The following PSMD11 variants were observed in gnomAD, a reference collection of about 807,000 sequenced individuals.
PSMD11 encodes the protein proteasome 26S subunit, non-ATPase 11.
PSMD11 carries 5 observed loss-of-function variants against 62.3 expected under a neutral mutation model. The observed-to-expected ratio is 0.08, with a 90% CI of 0.04 to 0.17. The LOEUF (loss-of-function observed/expected upper bound fraction) is 0.17. PSMD11 is among the 10% of genes least tolerant of loss of function. The pLI, the probability that PSMD11 is intolerant of heterozygous loss-of-function variation, is 1.00. For missense variants in PSMD11, 310 were observed against 512.9 expected (o/e 0.60, Z 3.82); for synonymous variants, 191 against 191.8 (o/e 1.00, Z 0.03).
chr17:32,455,862 G>C (rs1309162682), intron 3 of PSMD11, among the ~76,000 whole-genome samples: 2 of 152,118 alleles, frequency 1.3e-5, no homozygotes, highest in African/African-American at 4.8e-5. Context: ...AAACTCATGA[G>C]TCCGGGTGCG....
At chr17:32,472,525 C>T (rs1204795506) in intron 6 of PSMD11, among the ~76,000 whole-genome samples, 3 of 151,128 alleles carry the variant, frequency 2.0e-5, no homozygotes, top group African/African-American at 7.3e-5. Context: ...CAGACGTGAG[C>T]CACTGTGCCT....
At chr17:32,458,567 G>T (rs9889607) in intron 3 of PSMD11, among the ~76,000 whole-genome samples, 89,294 of 152,040 alleles carry the variant, frequency 0.59, 27,063 homozygotes, top group African/African-American at 0.65. Context: ...GTATGACAGT[G>T]GCTTTACACT....
chr17:32,460,751 G>C (rs947002512), intron 3 of PSMD11, among the ~76,000 whole-genome samples: 15 of 125,004 alleles, frequency 1.2e-4, no homozygotes, highest in African/African-American at 4.1e-4. Flanking sequence ...GTGAGACACT[G>C]TCTCAAAAAA....
At chr17:32,449,206 AC>A (rs1907419714) in intron 2 of PSMD11, among the ~76,000 whole-genome samples, 1 of 152,066 alleles carries the variant, frequency 6.6e-6, no homozygotes, top group Non-Finnish European at 1.5e-5. Flanking sequence ...GGAATTTGAG[AC>A]CAGCTCTGGC....
At chr17:32,455,890 T>A (rs1413391179) in intron 3 of PSMD11, among the ~76,000 whole-genome samples, 1 of 152,160 alleles carries the variant, frequency 6.6e-6, no homozygotes, top group Non-Finnish European at 1.5e-5. Context: ...ACGCCTGTAA[T>A]CCCAGCACTT....
intron 6 of PSMD11, 125 bp downstream of exon 6, chr17:32,469,318 C>G: frequency 9.9e-7 from 1 of 1,014,742 alleles, no homozygotes; most frequent in Non-Finnish European, 1.4e-6. Flanking sequence ...CTTCAGAGAA[C>G]CAGTTAGAAA....
chr17:32,453,252 AC>A (rs2150829997), intron 2 of PSMD11, among the ~76,000 whole-genome samples: 1 of 152,372 alleles, frequency 6.6e-6, no homozygotes, highest in South Asian at 2.1e-4. Flanking sequence ...GACTGGAGTT[AC>A]ATGGGAAACT....
At position 32,459,427 on chromosome 17, in the gene PSMD11, G is replaced by C. The variant is rs185330832; in HGVS notation, c.319-4622G>C. On this transcript the variant is annotated intron_variant, in intron 3 of 13. Transcript: ENST00000261712. ...GTTTGTTTGTATTTTTAGTAGAGAT[G>C]GGATTTTGCTATGTTGCTCAGGCTG... 1.7e-3 allele frequency among the ~76,000 whole-genome samples: 261 copies of C among 151,990 alleles called. 2 individuals are homozygous for C. Among genetic ancestry groups the C allele is most frequent in the African/African-American group, 6.2e-3 (256 of 41,474 alleles).
intron 10 of PSMD11, 92 bp downstream of exon 10, chr17:32,479,468 A>T (rs552888451): frequency 6.6e-7 from 1 of 1,517,216 alleles, no homozygotes; most frequent in East Asian, 2.3e-5. Flanking sequence ...ACTCACTTCT[A>T]GGGGTGTGCC....
chr17:32,480,483 T>C lies in PSMD11; in HGVS notation c.1127-6T>C, dbSNP rs1277045359. The C allele has an allele frequency of 1.2e-6, 2 of 1,614,204 alleles. No homozygotes were observed. The highest frequency in any genetic ancestry group is 1.7e-6 in the Non-Finnish European group (2 of 1,180,034). On this transcript the variant is annotated splice_polypyrimidine_tract_variant and splice_region_variant and intron_variant, in intron 12 of 13. Coordinates refer to ENST00000261712, the MANE Select transcript of PSMD11 (RefSeq NM_002815.4). ...TTTACCTGGGTTGCCCTTGTGTTTC[T>C]TGCAGGGATTTTGGACCAGGGGGAG...
chr17:32,468,245 C>A (rs1908054079), intron 5 of PSMD11, among the ~76,000 whole-genome samples: 1 of 152,060 alleles, frequency 6.6e-6, no homozygotes, highest in African/African-American at 2.4e-5. Flanking sequence ...AAGTCCCTTA[C>A]CAGATACATG....
chr17:32,448,746 T>C (rs1907404252), intron 2 of PSMD11, among the ~76,000 whole-genome samples: 1 of 152,200 alleles, frequency 6.6e-6, no homozygotes, highest in Non-Finnish European at 1.5e-5. Context: ...GTAGGTTTTG[T>C]TACCATTTTA....
intron 5 of PSMD11, among the ~76,000 whole-genome samples, chr17:32,467,121 T>C (rs988252055): frequency 2.6e-5 from 4 of 151,794 alleles, no homozygotes; most frequent in African/African-American, 9.7e-5. Flanking sequence ...ATTTTTGTAT[T>C]CTTAGTAGAG....
intron 5 of PSMD11, among the ~76,000 whole-genome samples, chr17:32,465,802 C>T (rs1171346115): frequency 5.3e-5 from 8 of 151,108 alleles, no homozygotes; most frequent in East Asian, 2.0e-4. Context: ...GGTGAAACCC[C>T]GTCTCTACTA....
intron 6 of PSMD11, among the ~76,000 whole-genome samples, chr17:32,473,231 C>T (rs1908222628): frequency 6.6e-6 from 1 of 151,604 alleles, no homozygotes; most frequent in African/African-American, 2.4e-5. Context: ...TATCCTCCTG[C>T]CTCAGCCTCT....
intron 2 of PSMD11, among the ~76,000 whole-genome samples, chr17:32,450,001 A>G (rs1907441511): frequency 6.6e-6 from 1 of 152,248 alleles, no homozygotes; most frequent in Non-Finnish European, 1.5e-5. Flanking sequence ...GCATCATCAG[A>G]CATGATGCCT....
intron 5 of PSMD11, 134 bp from the exon 6 acceptor site, chr17:32,468,865 G>T (rs149701375): frequency 3.9e-6 from 3 of 763,798 alleles, no homozygotes; most frequent in African/African-American, 1.8e-5. Context: ...ATTGCATGGG[G>T]TCTAGAGGTA....
chr17:32,481,365 AGC>A lies in PSMD11; in HGVS notation c.*614_*615del. On this transcript the variant is annotated 3_prime_UTR_variant, in exon 14 of 14. Transcript: ENST00000261712. ...CCACCACCACCACTGCAGCAACAAC[AGC>A]AGCAGCAGCAGCAGCGCCTGCATAG... 1.2e-5 allele frequency: 2 copies of A among 160,092 alleles called. No homozygotes were observed. Among genetic ancestry groups the A allele is most frequent in the Non-Finnish European group, 2.8e-5 (2 of 72,254 alleles). 9.9% of individuals were successfully genotyped at this position (160,092 alleles called of 1,614,324 possible). A position where few individuals can be genotyped will look rare whatever the true frequency, so the allele number is the denominator to read the frequency against.
intron 2 of PSMD11, among the ~76,000 whole-genome samples, chr17:32,452,139 C>T (rs986473788): frequency 6.6e-6 from 1 of 152,284 alleles, no homozygotes; most frequent in Non-Finnish European, 1.5e-5. Flanking sequence ...CCATTTGTTT[C>T]CACATTGTGT....
Sources: allele counts gnomAD v4.1 joint callset (sites outside exome capture counted in the v4.1 genomes callset), GRCh38; gene constraint gnomAD v4.1.1; transcripts MANE v1.5; gene names NCBI Gene and HGNC (gene_info 2026-07-23, HGNC 2026-07-21).